Variants in TULP4 observed in about 807,000 individuals in gnomAD.
TULP4 encodes the protein tubby-related protein 4.
In TULP4, 16 loss-of-function variants were observed where a neutral mutation model predicts 129.0. The ratio of observed to expected loss-of-function variants is 0.12; its 90% CI spans 0.08 to 0.19. TULP4 has a LOEUF of 0.19. Ranked by LOEUF, TULP4 falls within the 10% of genes least tolerant of loss-of-function variation. The pLI is 1.00. For synonymous variants in TULP4, 998 were observed against 854.0 expected, an observed-to-expected ratio of 1.17 and a Z score of -2.94; for missense variants, 1,842 against 2,059.1, an observed-to-expected ratio of 0.89 and a Z score of 2.04.
At chr6:158,309,067 G>A (rs1480857297), upstream of TULP4, among the ~76,000 whole-genome samples, 11 of 129,130 alleles carry the variant, frequency 8.5e-5, no homozygotes, top group East Asian at 5.0e-4. Flanking sequence ...GGTGGCTGCC[G>A]GGCGGAGACG....
At chr6:158,280,085 G>A (rs1010420629), upstream of TULP4, among the ~76,000 whole-genome samples, 5 of 152,134 alleles carry the variant, frequency 3.3e-5, no homozygotes, top group African/African-American at 1.2e-4. Flanking sequence ...CGTATTTCTC[G>A]TGTATTCCAT....
At chr6:158,443,565 C>T (rs1172555518) in intron 3 of TULP4, among the ~76,000 whole-genome samples, 1 of 152,088 alleles carries the variant, frequency 6.6e-6, no homozygotes, top group African/African-American at 2.4e-5. Flanking sequence ...AATCATTTAA[C>T]ATTAAATTTG....
At chr6:158,464,714 T>C (rs1378193720) in intron 6 of TULP4, among the ~76,000 whole-genome samples, 1 of 152,200 alleles carries the variant, frequency 6.6e-6, no homozygotes, top group Non-Finnish European at 1.5e-5. Context: ...GTTCTTGTTA[T>C]GCAGATGAAA....
intron 1 of TULP4, among the ~76,000 whole-genome samples, chr6:158,297,436 C>T (rs529337230): frequency 8.6e-5 from 13 of 151,992 alleles, no homozygotes; most frequent in African/African-American, 2.2e-4. Flanking sequence ...CACAGGGTCC[C>T]GAGGTGATGT....
chr6:158,269,583 G>T (rs1048531112), intron 1 of TULP4, among the ~76,000 whole-genome samples: 3 of 151,946 alleles, frequency 2.0e-5, no homozygotes, highest in African/African-American at 4.8e-5. Context: ...TTTTCTCCGT[G>T]ATTCTTCATC....
chr6:158,318,711 A>G (rs1466889015), intron 1 of TULP4, among the ~76,000 whole-genome samples: 3 of 151,916 alleles, frequency 2.0e-5, no homozygotes, highest in Admixed American at 6.6e-5. Context: ...CTTATCCTCA[A>G]TTGTTATATC....
chr6:158,477,256 T>C (rs1479137912), intron 6 of TULP4, among the ~76,000 whole-genome samples: 2 of 152,112 alleles, frequency 1.3e-5, no homozygotes, highest in African/African-American at 4.8e-5. Context: ...TCAACTGTTA[T>C]ACAGAGATAG....
chr6:158,369,306 C>T (rs1777017525), intron 1 of TULP4, among the ~76,000 whole-genome samples: 1 of 151,822 alleles, frequency 6.6e-6, no homozygotes, highest in Non-Finnish European at 1.5e-5. Context: ...CCAGACTAGG[C>T]AACATAGTGA....
intron 1 of TULP4, among the ~76,000 whole-genome samples, chr6:158,349,210 GGGGTGGCCGGGCAGAGGCGCTCCTCAC>G (rs1780415688): frequency 7.0e-6 from 1 of 143,838 alleles, no homozygotes; most frequent in Non-Finnish European, 1.5e-5. Context: ...CCTCTCAGAC[GGGGTGGCCGGGCAGAGGCGCTCCTCAC>G]ATCCCAGATG....
intron 1 of TULP4, among the ~76,000 whole-genome samples, chr6:158,270,307 C>G (rs1778524302): frequency 6.6e-6 from 1 of 152,212 alleles, no homozygotes; most frequent in Non-Finnish European, 1.5e-5. Flanking sequence ...AAGACCCTAC[C>G]TTGGCTTTAT....
At chr6:158,242,419 C>G in intron 1 of TULP4, 2 of 1,253,258 alleles carry the variant, frequency 1.6e-6, no homozygotes, top group Non-Finnish European at 2.3e-6. Flanking sequence ...GAGTTTCGGA[C>G]GAGATCTCTT....
chr6:158,342,062 G>A (rs1780193725), intron 1 of TULP4, among the ~76,000 whole-genome samples: 1 of 152,166 alleles, frequency 6.6e-6, no homozygotes, highest in Admixed American at 6.5e-5. Context: ...AGGATTACAA[G>A]GATGTGCCAC....
chr6:158,316,530 G>T (rs1438974356), intron 1 of TULP4, among the ~76,000 whole-genome samples: 2 of 152,034 alleles, frequency 1.3e-5, no homozygotes, highest in Non-Finnish European at 2.9e-5. Flanking sequence ...AATATATTGG[G>T]CATATACATA....
chr6:158,302,798 T>A (rs1048419876), intron 1 of TULP4, among the ~76,000 whole-genome samples: 1 of 152,122 alleles, frequency 6.6e-6, no homozygotes, highest in East Asian at 1.9e-4. Flanking sequence ...GTAAGAGTTA[T>A]GTGGAATATT....
At chr6:158,342,932 T>C (rs1780213934) in intron 1 of TULP4, among the ~76,000 whole-genome samples, 1 of 148,260 alleles carries the variant, frequency 6.7e-6, no homozygotes. Flanking sequence ...TAGTGAACGA[T>C]GAGATTAAAA....
intron 1 of TULP4, among the ~76,000 whole-genome samples, chr6:158,290,453 C>T (rs1562507535): frequency 6.6e-6 from 1 of 152,132 alleles, no homozygotes; most frequent in Admixed American, 6.5e-5. Context: ...TGTTTTCTCC[C>T]ATTCTGTGGA....
chr6:158,277,678 C>T (rs1403866297), upstream of TULP4, among the ~76,000 whole-genome samples: 2 of 152,150 alleles, frequency 1.3e-5, no homozygotes, highest in Non-Finnish European at 2.9e-5. Context: ...CTTGGTTACA[C>T]TGAGTTTCTG....
chr6:158,401,050 T>TTTGTTG (rs199720242), intron 1 of TULP4, among the ~76,000 whole-genome samples: 39 of 147,206 alleles, frequency 2.6e-4, no homozygotes, highest in African/African-American at 8.5e-4. Flanking sequence ...GTTTGGGTTT[T>TTTGTTG]TTGTTGTTGT....
At chr6:158,376,779 C>T (rs1777200836) in intron 1 of TULP4, among the ~76,000 whole-genome samples, 1 of 152,176 alleles carries the variant, frequency 6.6e-6, no homozygotes, top group African/African-American at 2.4e-5. Flanking sequence ...TTCCACATAA[C>T]AGGAGCAGAT....
Sources: gnomAD v4.1 joint callset for allele counts (sites outside exome capture counted in the v4.1 genomes callset) on GRCh38, gnomAD v4.1.1 for gene constraint, MANE v1.5 for transcripts, NCBI Gene and HGNC (gene_info 2026-07-23, HGNC 2026-07-21) for gene names.